SORCS1: variants seen among roughly 807,000 people sequenced by gnomAD.
The protein encoded by SORCS1 is VPS10 domain-containing receptor SorCS1.
Under a neutral mutation model 146.1 loss-of-function variants are expected in SORCS1, and 60 were observed. The observed-to-expected ratio is 0.41, with a 90% confidence interval of 0.33 to 0.51. The LOEUF (loss-of-function observed/expected upper bound fraction) is 0.51. Ranked by LOEUF, SORCS1 falls within the 20% of genes least tolerant of loss-of-function variation. The pLI is 0.21. For missense variants in SORCS1, 1,352 were observed against 1,487.6 expected (o/e 0.91, Z 1.50); for synonymous variants, 637 against 584.0 (o/e 1.09, Z -1.31).
At chr10:106,708,421 A>G (rs1331533309) in intron 7 of SORCS1, among the ~76,000 whole-genome samples, 1 of 152,166 alleles carries the variant, frequency 6.6e-6, no homozygotes, top group Non-Finnish European at 1.5e-5. Flanking sequence ...CTTTATATAT[A>G]TATATGTATA....
chr10:106,889,844 C>T (rs2137863275), intron 2 of SORCS1, among the ~76,000 whole-genome samples: 1 of 141,324 alleles, frequency 7.1e-6, no homozygotes, highest in East Asian at 2.1e-4. Flanking sequence ...GAGATCGCGC[C>T]ACTGTACTCC....
At chr10:106,777,408 T>A (rs1860527854) in intron 3 of SORCS1, among the ~76,000 whole-genome samples, 1 of 152,306 alleles carries the variant, frequency 6.6e-6, no homozygotes, top group African/African-American at 2.4e-5. Context: ...TAGACTAAGG[T>A]CCAGTATGCA....
chr10:106,635,304 C>A (rs1486235651), intron 18 of SORCS1, among the ~76,000 whole-genome samples: 1 of 152,164 alleles, frequency 6.6e-6, no homozygotes, highest in African/African-American at 2.4e-5. Flanking sequence ...CTGGTCCATG[C>A]AAGCATGACA....
chr10:107,035,812 G>C (rs1455164441), intron 1 of SORCS1, among the ~76,000 whole-genome samples: 4 of 151,904 alleles, frequency 2.6e-5, no homozygotes, highest in African/African-American at 9.7e-5. Flanking sequence ...TGCTTTACTT[G>C]AATGGTCTCA....
intron 2 of SORCS1, among the ~76,000 whole-genome samples, chr10:106,879,756 C>T (rs1048405328): frequency 1.2e-4 from 18 of 152,322 alleles, no homozygotes; most frequent in African/African-American, 4.3e-4. Flanking sequence ...CCTTAGCTGT[C>T]AGCCAGCAAA....
chr10:106,914,139 C>T (rs1273875848), intron 2 of SORCS1, among the ~76,000 whole-genome samples: 1 of 152,178 alleles, frequency 6.6e-6, no homozygotes, highest in Non-Finnish European at 1.5e-5. Flanking sequence ...ATTGAGCTTG[C>T]TTCCTCAAGC....
intron 18 of SORCS1, among the ~76,000 whole-genome samples, chr10:106,650,625 C>T (rs1392575246): frequency 6.6e-6 from 1 of 152,140 alleles, no homozygotes; most frequent in African/African-American, 2.4e-5. Context: ...TTTTTATCTC[C>T]CAAGCCTTGT....
At chr10:106,890,561 TA>T (rs1951189390) in intron 2 of SORCS1, among the ~76,000 whole-genome samples, 1 of 152,216 alleles carries the variant, frequency 6.6e-6, no homozygotes, top group East Asian at 1.9e-4. Context: ...AAAACTTTTC[TA>T]AATGACATCT....
chr10:106,958,060 T>C (rs1035116916), intron 1 of SORCS1, among the ~76,000 whole-genome samples: 5 of 152,216 alleles, frequency 3.3e-5, no homozygotes, highest in African/African-American at 4.8e-5. Flanking sequence ...GACAGCTTCT[T>C]TTGGTGTCTG....
intron 2 of SORCS1, among the ~76,000 whole-genome samples, chr10:106,937,172 ATT>A (rs141215404): frequency 3.5e-5 from 5 of 143,146 alleles, no homozygotes; most frequent in African/African-American, 1.0e-4. Flanking sequence ...AGAAGATCTG[ATT>A]TTTTTTTTTT....
the SORCS1 span, among the ~76,000 whole-genome samples, chr10:107,169,972 TCA>T: frequency 8.5e-5 from 13 of 152,164 alleles, no homozygotes; most frequent in African/African-American, 2.7e-4. Context: ...TTATGTAAAC[TCA>T]CATATGCATA....
At chr10:107,116,153 C>T (rs2134496245) in intron 1 of SORCS1, among the ~76,000 whole-genome samples, 1 of 152,102 alleles carries the variant, frequency 6.6e-6, no homozygotes. Flanking sequence ...AACGCTTGTC[C>T]ACTGTTGATT....
In SORCS1 at chr10:106,851,973, C is replaced by T. The variant is rs374796347; in HGVS notation, c.627-22300G>A. 5.9e-5 allele frequency among the ~76,000 whole-genome samples: 9 copies of T among 152,120 alleles called. No individual in the cohort carries two copies. In the East Asian group the frequency reaches 1.5e-3, roughly 26 times the overall value. ...TGGTATGCTAATGTAAATGGTAATG[C>T]GTTTTTAATTTCAAATTCTGCTTGT... On this transcript the variant is annotated intron_variant, in intron 2 of 25. Transcript: ENST00000263054.
At chr10:107,098,573 T>C (rs1001379945) in intron 1 of SORCS1, among the ~76,000 whole-genome samples, 5 of 152,232 alleles carry the variant, frequency 3.3e-5, no homozygotes, top group African/African-American at 1.2e-4. Flanking sequence ...GTTTTCTGTC[T>C]GGGCTCAGCC....
At position 107,034,680 on chromosome 10, in the gene SORCS1, C is replaced by CAAAAAAAAAAAAAAAAAAAAAAAAAAAA. The variant is rs553032484; in HGVS notation, c.559-78101_559-78100insTTTTTTTTTTTTTTTTTTTTTTTTTTTT. Among the ~76,000 whole-genome samples, 7 of 13,796 alleles carry CAAAAAAAAAAAAAAAAAAAAAAAAAAAA rather than the reference C, an allele frequency of 5.1e-4. 1 individual carries two copies. Among genetic ancestry groups the CAAAAAAAAAAAAAAAAAAAAAAAAAAAA allele is most frequent in the Non-Finnish European group, 7.3e-4 (6 of 8,164 alleles). The allele number at this position is 13,796 out of a possible 152,430, so 9.1% of individuals were successfully genotyped here. On this transcript the variant is annotated intron_variant, in intron 1 of 25. Coordinates refer to ENST00000263054, the MANE Select transcript of SORCS1 (RefSeq NM_052918.5). ...GGGAAACATGAGCGAAACTCCATCT[C>CAAAAAAAAAAAAAAAAAAAAAAAAAAAA]AAAAAAAAAAAAAAAAAAAAAAAAA...
At chr10:106,663,707 T>C (rs1470774669) in intron 17 of SORCS1, among the ~76,000 whole-genome samples, 3 of 152,212 alleles carry the variant, frequency 2.0e-5, no homozygotes, top group African/African-American at 4.8e-5. Flanking sequence ...AACTCTTGAG[T>C]TGGCTACAGA....
intron 2 of SORCS1, among the ~76,000 whole-genome samples, chr10:106,870,125 C>T (rs554385099): frequency 4.5e-4 from 69 of 152,174 alleles, no homozygotes; most frequent in Non-Finnish European, 7.2e-4. Context: ...CCTAGAAATA[C>T]GGCTAACCAA....
intron 5 of SORCS1, among the ~76,000 whole-genome samples, chr10:106,737,233 C>T (rs1431633494): frequency 6.6e-6 from 1 of 152,164 alleles, no homozygotes; most frequent in South Asian, 2.1e-4. Context: ...AACAAGCAAC[C>T]TGTCTCTAAA....
intron 2 of SORCS1, among the ~76,000 whole-genome samples, chr10:106,855,051 G>T (rs979926798): frequency 6.6e-6 from 1 of 152,040 alleles, no homozygotes; most frequent in Non-Finnish European, 1.5e-5. Flanking sequence ...TTCAAAGCAG[G>T]TCTACCAGTA....
Sources: gnomAD v4.1 joint callset for allele counts (sites outside exome capture counted in the v4.1 genomes callset) on GRCh38, gnomAD v4.1.1 for gene constraint, MANE v1.5 for transcripts, NCBI Gene and HGNC (gene_info 2026-07-23, HGNC 2026-07-21) for gene names.